IREB2: variants seen among roughly 807,000 people sequenced by gnomAD.
The protein encoded by IREB2 is iron responsive element binding protein 2.
IREB2 carries 39 observed loss-of-function variants against 118.8 expected under a neutral mutation model. The ratio of observed to expected loss-of-function variants is 0.33; its 90% CI spans 0.25 to 0.43. IREB2 has a LOEUF of 0.43. Ranked by LOEUF, IREB2 falls within the 20% of genes least tolerant of loss-of-function variation. The pLI, the probability that IREB2 is intolerant of heterozygous loss-of-function variation, is 1.00. For missense variants in IREB2, 900 were observed against 1,147.3 expected, an observed-to-expected ratio of 0.78 and a Z score of 3.11; for synonymous variants, 372 against 392.2, an observed-to-expected ratio of 0.95 and a Z score of 0.61.
chr15:78,461,192 A>G (rs1428067900), intron 2 of IREB2, among the ~76,000 whole-genome samples: 2 of 152,176 alleles, frequency 1.3e-5, no homozygotes, highest in African/African-American at 4.8e-5. Flanking sequence ...TGGCTAACTC[A>G]CTATCTCTGC....
intron 1 of IREB2, among the ~76,000 whole-genome samples, chr15:78,439,057 GT>G (rs1430832567): frequency 1.3e-5 from 2 of 152,142 alleles, no homozygotes; most frequent in African/African-American, 2.4e-5. Context: ...AGATCTGAAG[GT>G]TCTTTTCAAC....
In IREB2 at chr15:78,438,541, T is replaced by C. The variant is rs1000018682; in HGVS notation, c.19+185T>C. 66 of 643,328 alleles carry C rather than the reference T, an allele frequency of 1.0e-4. 1 individual carries two copies. In the South Asian group the frequency reaches 1.1e-3, roughly 11 times the overall value. The allele number at this position is 643,328 out of a possible 1,614,324, so 39.9% of individuals were successfully genotyped here. A position where few individuals can be genotyped will look rare whatever the true frequency, so the allele number is the denominator to read the frequency against. On this transcript the variant is annotated intron_variant, in intron 1 of 21. Transcript: ENST00000258886. ...GAGCCTAGGCCGCGGAAGCTGGGGC[T>C]CCCGATCCCCACCCTCCTGCGCGAC...
At chr15:78,483,255 A>G in intron 10 of IREB2, 63 bp from the exon 11 acceptor site, 1 of 771,046 alleles carries the variant, frequency 1.3e-6, no homozygotes. Context: ...GTAATGCTTC[A>G]ATTGGAATCT....
Position 78,466,355 on chromosome 15 carries a change from G to C in IREB2, c.495G>C (p.Lys165Asn). 6.2e-7 allele frequency: 1 copy of C among 1,613,992 alleles called. No individual in the cohort carries two copies. Among genetic ancestry groups the C allele is most frequent in the Non-Finnish European group, 8.5e-7 (1 of 1,179,870 alleles). Residue 165 changes from lysine to asparagine, a missense_variant, in exon 5 of 22, where the codon AAG becomes AAC. Lys to Asn is a moderately conservative substitution (Grantham distance 94). Transcript: ENST00000258886. ...KLSPLKVQPK[K>N]LPCRGQTTCR... Reference sequence around the variant, plus strand: ...CTCCACTTAAAGTGCAGCCTAAGAAGCTTCCCTGCAGAGGCCAGACTACCT... The same window carrying C: ...CTCCACTTAAAGTGCAGCCTAAGAACCTTCCCTGCAGAGGCCAGACTACCT...
At chr15:78,445,199 A>G (rs1489573572) in intron 2 of IREB2, among the ~76,000 whole-genome samples, 1 of 147,816 alleles carries the variant, frequency 6.8e-6, no homozygotes, top group Non-Finnish European at 1.5e-5. Context: ...GTGCAGTGGC[A>G]CAGTCTCAGT....
upstream of IREB2, among the ~76,000 whole-genome samples, chr15:78,437,931 C>G (rs1467557252): frequency 2.0e-5 from 3 of 152,236 alleles, no homozygotes; most frequent in Non-Finnish European, 4.4e-5. Flanking sequence ...TGCGGGAACG[C>G]AAACACCGCT....
chr15:78,487,929 C>G (rs1165126098), intron 14 of IREB2, 112 bp downstream of exon 14: 2 of 712,338 alleles, frequency 2.8e-6, no homozygotes, highest in South Asian at 2.0e-5. Flanking sequence ...CTCTGCACCT[C>G]TTGGCAATAG....
At chr15:78,450,369 G>A (rs1450866339) in intron 2 of IREB2, among the ~76,000 whole-genome samples, 2 of 152,232 alleles carry the variant, frequency 1.3e-5, no homozygotes, top group Admixed American at 6.5e-5. Flanking sequence ...GGCTAAGGGA[G>A]AATACCCAAG....
intron 9 of IREB2, among the ~76,000 whole-genome samples, chr15:78,477,028 A>G (rs74705102): frequency 2.8e-4 from 43 of 152,308 alleles, no homozygotes; most frequent in Admixed American, 7.8e-4. Context: ...GATATATTCT[A>G]GTATTCTTCA....
chr15:78,465,003 T>G (rs1335758974), intron 3 of IREB2, among the ~76,000 whole-genome samples: 1 of 152,216 alleles, frequency 6.6e-6, no homozygotes, highest in Non-Finnish European at 1.5e-5. Flanking sequence ...TCCCTGAAGT[T>G]CGCTTATGCC....
At chr15:78,468,350 C>G (rs1269278596) in intron 5 of IREB2, among the ~76,000 whole-genome samples, 4 of 151,970 alleles carry the variant, frequency 2.6e-5, no homozygotes, top group African/African-American at 9.7e-5. Flanking sequence ...CTTAAATGAT[C>G]CTCCTGCCTC....
At chr15:78,446,425 T>G (rs1044061461) in intron 2 of IREB2, among the ~76,000 whole-genome samples, 15 of 152,194 alleles carry the variant, frequency 9.9e-5, no homozygotes, top group Non-Finnish European at 1.9e-4. Context: ...AAGGATTTAT[T>G]GTAATGATAC....
intron 10 of IREB2, among the ~76,000 whole-genome samples, chr15:78,478,849 A>G (rs777519172): frequency 4.0e-4 from 61 of 152,222 alleles, no homozygotes; most frequent in Non-Finnish European, 5.0e-4. Context: ...AGATATGACA[A>G]TATCTACCTC....
At chr15:78,492,253 C>T (rs969561770) in intron 18 of IREB2, among the ~76,000 whole-genome samples, 7 of 152,020 alleles carry the variant, frequency 4.6e-5, no homozygotes, top group South Asian at 2.1e-4. Context: ...CAATACCCCC[C>T]GCACCCAGAT....
At chr15:78,438,186 C>T, upstream of IREB2, 4 of 633,134 alleles carry the variant, frequency 6.3e-6, no homozygotes, top group Middle Eastern at 1.0e-3. Context: ...AGACCCGGGG[C>T]TGGCTCTGCT....
chr15:78,489,790 C>T (rs982990792), intron 16 of IREB2, among the ~76,000 whole-genome samples: 9 of 152,286 alleles, frequency 5.9e-5, no homozygotes, highest in African/African-American at 1.9e-4. Flanking sequence ...GGTTTACAGG[C>T]GTGAGCCACT....
At chr15:78,460,119 T>C (rs1003206430) in intron 2 of IREB2, among the ~76,000 whole-genome samples, 1 of 152,182 alleles carries the variant, frequency 6.6e-6, no homozygotes, top group African/African-American at 2.4e-5. Context: ...TGGGTATGAG[T>C]GTTACCAGCT....
intron 7 of IREB2, 129 bp from the exon 8 acceptor site, chr15:78,473,113 A>G (rs777896447): frequency 4.8e-5 from 39 of 805,428 alleles, no homozygotes; most frequent in Non-Finnish European, 7.1e-5. Flanking sequence ...TGTCCACATT[A>G]ATAGCAATAT....
intron 2 of IREB2, among the ~76,000 whole-genome samples, chr15:78,443,423 G>A (rs1397760071): frequency 1.3e-5 from 2 of 152,172 alleles, no homozygotes; most frequent in Admixed American, 1.3e-4. Context: ...CCAACCTGAT[G>A]CCTTCTCTTA....
Sources: allele counts gnomAD v4.1 joint callset (sites outside exome capture counted in the v4.1 genomes callset), GRCh38; gene constraint gnomAD v4.1.1; transcripts MANE v1.5; gene names NCBI Gene and HGNC (gene_info 2026-07-23, HGNC 2026-07-21).